Variants in MOB3A observed in about 807,000 individuals in gnomAD.
The protein encoded by MOB3A is MOB kinase activator 3A.
In MOB3A, 17 loss-of-function variants were observed where a neutral mutation model predicts 17.8. The ratio of observed to expected loss-of-function variants is 0.95; its 90% CI spans 0.65 to 1.43. The LOEUF is 1.43. Among genes scored for constraint, MOB3A ranks in the 40% most tolerant of loss-of-function variants. MOB3A has a pLI of 0.00. For missense variants in MOB3A, 333 were observed against 310.8 expected, an observed-to-expected ratio of 1.07 and a Z score of -0.54; for synonymous variants, 124 against 133.2, an observed-to-expected ratio of 0.93 and a Z score of 0.48.
Position 2,072,583 on chromosome 19 carries a change from A to G in MOB3A, c.*812T>C, listed in dbSNP as rs566976772. ...CAGGAGTCCAGGAAGCCCTGGATAC[A>G]GTCAGCTGAATGTTTCGGAAGAACG... On this transcript the variant is annotated 3_prime_UTR_variant, in exon 5 of 5. Transcript: ENST00000357066. 6.6e-6 allele frequency: 1 copy of G among 152,274 alleles called. No homozygotes were observed. The highest frequency in any genetic ancestry group is 1.5e-5 in the Non-Finnish European group (1 of 68,064). 9.4% of individuals were successfully genotyped at this position (152,274 alleles called of 1,614,324 possible).
At position 2,072,844 on chromosome 19, in the gene MOB3A, G is replaced by A. The variant is rs111927578; in HGVS notation, c.*551C>T. The stretch of plus-strand genomic sequence containing the variant: ...TGCCTCTGTGTGAAGAGACACCAGC[G>A]GCTGCCAGTGGGGAGTGCGGAGTAA... On this transcript the variant is annotated 3_prime_UTR_variant, in exon 5 of 5. Transcript: ENST00000357066. 0.014 allele frequency: 2,124 copies of A among 153,322 alleles called. 21 individuals are homozygous for A. Among genetic ancestry groups the A allele is most frequent in the Non-Finnish European group, 0.019 (1,326 of 68,684 alleles). 9.5% of individuals were successfully genotyped at this position (153,322 alleles called of 1,614,324 possible).
At chr19:2,080,977 C>CA (rs2017480081) in intron 2 of MOB3A, among the ~76,000 whole-genome samples, 1 of 152,100 alleles carries the variant, frequency 6.6e-6, no homozygotes, top group South Asian at 2.1e-4. Context: ...CTCGTCTCTA[C>CA]AAAAAAATTT....
At chr19:2,084,692 G>A (rs962608962) in intron 2 of MOB3A, among the ~76,000 whole-genome samples, 2 of 151,634 alleles carry the variant, frequency 1.3e-5, no homozygotes, top group African/African-American at 4.8e-5. Flanking sequence ...CCAGGTTCAA[G>A]CAATTCTCCT....
At chr19:2,074,672 C>T (rs1288818528) in intron 4 of MOB3A, among the ~76,000 whole-genome samples, 2 of 151,960 alleles carry the variant, frequency 1.3e-5, no homozygotes, top group Non-Finnish European at 2.9e-5. Context: ...CCTGCCTCAG[C>T]CTCCTGAGTA....
chr19:2,082,484 G>A lies in MOB3A; in HGVS notation c.-120+2691C>T, dbSNP rs910183529. Among the ~76,000 whole-genome samples, 11 of 152,224 alleles carry A rather than the reference G, an allele frequency of 7.2e-5. No individual in the cohort carries two copies. The highest frequency in any genetic ancestry group is 3.8e-4 in the East Asian group (2 of 5,200). On this transcript the variant is annotated intron_variant, in intron 2 of 4. Coordinates refer to ENST00000357066, the MANE Select transcript of MOB3A (RefSeq NM_130807.3). This position sits in a 1 kb window ranked among gnomAD's most constrained non-coding sequence, Gnocchi z 4.1. Reference sequence around the variant, plus strand: ...GACTGATTCTACAGCAGTGTCTCACGCCACAGAGCTAGTGGGTGGATCGGC... The same window carrying A: ...GACTGATTCTACAGCAGTGTCTCACACCACAGAGCTAGTGGGTGGATCGGC...
rs566158516 is a variant in MOB3A, at chr19:2,091,162, C to T, written c.-274+5064G>A. The stretch of plus-strand genomic sequence containing the variant: ...GGCTGCTGGCCAGATCAGGGGAACA[C>T]GCGCTTCCTGCAGAGTCATTCCCAA... On this transcript the variant is annotated intron_variant, in intron 1 of 4. Transcript: ENST00000357066. Among the ~76,000 whole-genome samples, 252 of 152,264 alleles carry T rather than the reference C, an allele frequency of 1.7e-3. 2 individuals carry two copies. Among genetic ancestry groups the T allele is most frequent in the African/African-American group, 5.6e-3 (231 of 41,548 alleles).
rs1434815017 is a variant in MOB3A, at chr19:2,082,154, A to G, written c.-120+3021T>C. Among the ~76,000 whole-genome samples, 1 of 152,252 alleles carries G rather than the reference A, an allele frequency of 6.6e-6. No homozygotes were observed. The highest frequency in any genetic ancestry group is 1.9e-4 in the East Asian group (1 of 5,202). ...TTCCTGCCACCAGGGTTAACACCCA[A>G]CTAGGAACTTGAACTTTTCATCTGC... On this transcript the variant is annotated intron_variant, in intron 2 of 4. Coordinates refer to ENST00000357066, the MANE Select transcript of MOB3A (RefSeq NM_130807.3). The surrounding 1 kb of genome is among the most constrained non-coding windows in gnomAD (Gnocchi z 4.1).
At chr19:2,091,976 G>A (rs1432788402) in intron 1 of MOB3A, among the ~76,000 whole-genome samples, 7 of 148,316 alleles carry the variant, frequency 4.7e-5, no homozygotes, top group East Asian at 2.0e-4. Context: ...CAGCCTGGGC[G>A]ACGAGCAAAA....
intron 1 of MOB3A, among the ~76,000 whole-genome samples, chr19:2,095,869 T>C (rs1303447145): frequency 6.6e-6 from 1 of 151,870 alleles, no homozygotes; most frequent in Non-Finnish European, 1.5e-5. Context: ...CTCAGCCTCC[T>C]CAGCAGCTGG....
At chr19:2,083,578 C>A (rs1471580116) in intron 2 of MOB3A, among the ~76,000 whole-genome samples, 2 of 152,224 alleles carry the variant, frequency 1.3e-5, no homozygotes, top group Admixed American at 1.3e-4. Context: ...CCCCACTTTA[C>A]CAAAGAGGAA....
rs564709415 is a variant in MOB3A, at chr19:2,089,207, A to G, written c.-273-3879T>C. On this transcript the variant is annotated intron_variant, in intron 1 of 4. Coordinates refer to ENST00000357066, the MANE Select transcript of MOB3A (RefSeq NM_130807.3). ...GGGCCCTGGAGGACCTGCTCTCGTG[A>G]AACTCATCATTTCCTGGCTGGCGGG... is the stretch of plus-strand genomic sequence containing the variant. Among the ~76,000 whole-genome samples, 59 of 152,290 alleles carry G rather than the reference A, an allele frequency of 3.9e-4. 1 individual carries two copies. Among genetic ancestry groups the G allele is most frequent in the Admixed American group, 3.3e-3 (51 of 15,292 alleles).
chr19:2,085,047 A>C (rs2017536037), intron 2 of MOB3A, 128 bp downstream of exon 2: 1 of 152,130 alleles, frequency 6.6e-6, no homozygotes, highest in Non-Finnish European at 1.5e-5. Flanking sequence ...TTCTATCAGG[A>C]ACAAACACAG....
intron 1 of MOB3A, among the ~76,000 whole-genome samples, chr19:2,090,941 C>T (rs1467854113): frequency 1.3e-5 from 2 of 152,172 alleles, no homozygotes; most frequent in African/African-American, 2.4e-5. Context: ...GGATTACAGG[C>T]GTGAGCCACC....
At chr19:2,091,071 AG>A (rs930156830) in intron 1 of MOB3A, among the ~76,000 whole-genome samples, 1 of 152,226 alleles carries the variant, frequency 6.6e-6, no homozygotes, top group Non-Finnish European at 1.5e-5. Flanking sequence ...GGGGAAGAAA[AG>A]GGAGGGAAAC....
rs200815914 is a variant in MOB3A at position 2,078,478 on chromosome 19, C to A, written c.83G>T (p.Arg28Leu). The A allele has an allele frequency of 2.5e-6, 4 of 1,610,408 alleles. No individual in the cohort carries two copies. The highest frequency in any genetic ancestry group is 1.1e-5 in the South Asian group (1 of 90,934). Residue 28 changes from arginine to leucine, a missense_variant, in exon 3 of 5, where the codon CGC becomes CTC. By Grantham distance (102) the Arg-to-Leu change is moderately radical. Transcript: ENST00000357066. ...PKRKFEPGTQRFELHKKAQAS... is the reference protein window; with the variant it reads ...PKRKFEPGTQLFELHKKAQAS... ...CTGCGCCTTCTTGTGCAGCTCGAAG[C>A]GCTGGGTGCCTGGCTCAAACTTGCG... is the stretch of plus-strand genomic sequence containing the variant.
intron 2 of MOB3A, among the ~76,000 whole-genome samples, chr19:2,081,613 C>A (rs562981827): frequency 6.9e-6 from 1 of 144,548 alleles, no homozygotes; most frequent in South Asian, 2.2e-4. Context: ...AGGCCTGGCG[C>A]GGTGGCCCAC....
In MOB3A at chr19:2,078,262, C is replaced by T. The variant is rs769636520; in HGVS notation, c.299G>A (p.Arg100His). 8 of 1,614,090 alleles carry T rather than the reference C, an allele frequency of 5.0e-6. No homozygotes were observed. Among genetic ancestry groups the T allele is most frequent in the Non-Finnish European group, 4.2e-6 (5 of 1,179,984 alleles). The part of the protein sequence containing the change: ...VMSGGPKYEY[R>H]WQDEHKFRKP... ...CCGGAACTTATGCTCATCCTGCCAG[C>T]GGTACTCATACTTGGGGCCCCCCGA... Residue 100 changes from arginine (R) to histidine (H), a missense_variant, in exon 3 of 5, where the codon CGC (arginine) becomes CAC (histidine). Physicochemically the swap from Arg to His is conservative, Grantham distance 29. Coordinates refer to ENST00000357066, the MANE Select transcript of MOB3A (RefSeq NM_130807.3).
At chr19:2,087,908 G>A (rs1042712647) in intron 1 of MOB3A, among the ~76,000 whole-genome samples, 2 of 152,214 alleles carry the variant, frequency 1.3e-5, no homozygotes, top group Non-Finnish European at 1.5e-5. Flanking sequence ...ACTTGGCACC[G>A]CCTTCTTGGC....
At chr19:2,078,851 C>G in intron 2 of MOB3A, 172 bp from the exon 3 acceptor site, 1 of 334,184 alleles carries the variant, frequency 3.0e-6, no homozygotes, top group Non-Finnish European at 5.5e-6. Flanking sequence ...CTCTGCCTCC[C>G]AGGCCCAAGC....
Sources: allele counts gnomAD v4.1 joint callset (sites outside exome capture counted in the v4.1 genomes callset), GRCh38; gene constraint gnomAD v4.1.1; non-coding constraint Gnocchi (gnomAD v3.1); transcripts MANE v1.5; gene names NCBI Gene and HGNC (gene_info 2026-07-23, HGNC 2026-07-21).